Variants in RBFOX2 observed in about 807,000 individuals in gnomAD.
RBFOX2 encodes the protein RNA binding fox-1 homolog 2.
In RBFOX2, 10 loss-of-function variants were observed where a neutral mutation model predicts 49.1. The ratio of observed to expected loss-of-function variants is 0.20; its 90% confidence interval spans 0.13 to 0.35. The LOEUF is 0.35. Ranked by LOEUF, RBFOX2 falls within the 10% of genes least tolerant of loss-of-function variation. The pLI is 1.00. For synonymous variants in RBFOX2, 183 were observed against 187.4 expected (o/e 0.98, Z 0.19); for missense variants, 323 against 486.9 (o/e 0.66, Z 3.17).
At chr22:35,970,283 C>G (rs2056796902) in intron 1 of RBFOX2, among the ~76,000 whole-genome samples, 1 of 152,174 alleles carries the variant, frequency 6.6e-6, no homozygotes, top group Non-Finnish European at 1.5e-5. Context: ...CAAACTCTAT[C>G]TCCCAGACAT....
intron 1 of RBFOX2, among the ~76,000 whole-genome samples, chr22:35,900,357 T>C (rs769046929): frequency 1.3e-5 from 2 of 151,874 alleles, no homozygotes; most frequent in Admixed American, 6.6e-5. Context: ...CGAGTTTCTC[T>C]GTGGTTGTAA....
intron 1 of RBFOX2, among the ~76,000 whole-genome samples, chr22:35,820,093 G>A (rs542958030): frequency 4.6e-5 from 7 of 152,188 alleles, no homozygotes; most frequent in African/African-American, 7.2e-5. Context: ...GAGATGAAGC[G>A]AGAAAGGTAG....
chr22:36,019,469 A>G lies in RBFOX2; in HGVS notation c.186+8771T>C, dbSNP rs577274782. On this transcript the variant is annotated intron_variant, in intron 1 of 13. Transcript: ENST00000438146. Reference sequence around the variant, plus strand: ...GAGTGCTGTATAGCAGGATATAAGGAAAGCAAGAAATAAACATGTAGTGCT... The same window carrying G: ...GAGTGCTGTATAGCAGGATATAAGGGAAGCAAGAAATAAACATGTAGTGCT... Among the ~76,000 whole-genome samples, 14 of 152,372 alleles carry G rather than the reference A, an allele frequency of 9.2e-5. 1 individual carries two copies. In the South Asian group the frequency reaches 2.7e-3, roughly 29 times the overall value.
chr22:35,842,103 T>G (rs1212305442), upstream of RBFOX2, among the ~76,000 whole-genome samples: 2 of 152,170 alleles, frequency 1.3e-5, no homozygotes, highest in Non-Finnish European at 2.9e-5. Flanking sequence ...ACACTGCCAA[T>G]ACAACATCAT....
chr22:35,953,189 C>T (rs368278436), intron 1 of RBFOX2, among the ~76,000 whole-genome samples: 1 of 120,016 alleles, frequency 8.3e-6, no homozygotes, highest in Non-Finnish European at 1.6e-5. Flanking sequence ...CCAGCCTGGG[C>T]GACAGAGTGG....
intron 1 of RBFOX2, among the ~76,000 whole-genome samples, chr22:35,923,698 A>C (rs1162173345): frequency 6.6e-6 from 1 of 152,122 alleles, no homozygotes; most frequent in Non-Finnish European, 1.5e-5. Flanking sequence ...CTGCCAATGG[A>C]GATTAAAACC....
chr22:35,887,653 A>C (rs1383279256), intron 1 of RBFOX2, among the ~76,000 whole-genome samples: 1 of 152,062 alleles, frequency 6.6e-6, no homozygotes, highest in Non-Finnish European at 1.5e-5. Flanking sequence ...CCCTCCAGGC[A>C]AACTGCACCT....
At chr22:35,798,759 T>C (rs1398482131) in intron 2 of RBFOX2, among the ~76,000 whole-genome samples, 1 of 152,178 alleles carries the variant, frequency 6.6e-6, no homozygotes, top group Non-Finnish European at 1.5e-5. Flanking sequence ...TAAATTATGT[T>C]TGAAGAGTGT....
intron 1 of RBFOX2, among the ~76,000 whole-genome samples, chr22:35,883,232 C>A (rs1282511712): frequency 6.6e-6 from 1 of 152,210 alleles, no homozygotes; most frequent in Non-Finnish European, 1.5e-5. Flanking sequence ...CCGACAGCCT[C>A]TTTTCATTTT....
intron 1 of RBFOX2, among the ~76,000 whole-genome samples, chr22:35,860,875 ACTAT>A: frequency 6.6e-6 from 1 of 152,294 alleles, no homozygotes; most frequent in South Asian, 2.1e-4. Context: ...AAAGATTATG[ACTAT>A]CTTTTCTCTA....
At chr22:35,792,767 T>G (rs1948011491) in intron 2 of RBFOX2, among the ~76,000 whole-genome samples, 1 of 152,216 alleles carries the variant, frequency 6.6e-6, no homozygotes, top group Non-Finnish European at 1.5e-5. Flanking sequence ...CAATATAGCC[T>G]TTTTAAAAAA....
At chr22:35,795,595 G>C (rs1191961632) in intron 2 of RBFOX2, among the ~76,000 whole-genome samples, 1 of 132,430 alleles carries the variant, frequency 7.6e-6, no homozygotes, top group Non-Finnish European at 1.6e-5. Flanking sequence ...AGAAAAATTG[G>C]CTTAAACTCC....
chr22:36,028,104 C>T lies in RBFOX2; in HGVS notation c.186+136G>A, dbSNP rs561699510. The stretch of plus-strand genomic sequence containing the variant: ...GCCCGAGCTCGCCCCACCTTCCAAC[C>T]AGGCCCCGAATGGCCCCCCATCCCA... On this transcript the variant is annotated intron_variant, in intron 1 of 13. Transcript: ENST00000438146. The T allele has an allele frequency of 1.7e-5, 22 of 1,287,878 alleles. No individual in the cohort carries two copies. In the South Asian group the frequency reaches 4.0e-4, roughly 24 times the overall value. 79.8% of individuals were successfully genotyped at this position (1,287,878 alleles called of 1,614,324 possible).
At chr22:35,746,365 G>T in intron 10 of RBFOX2, 108 bp downstream of exon 12, 2 of 1,036,342 alleles carry the variant, frequency 1.9e-6, no homozygotes, top group Non-Finnish European at 1.4e-6. Flanking sequence ...CAAGATGCCC[G>T]ATGTGCTAAG....
intron 1 of RBFOX2, chr22:35,994,319 T>G (rs2058097478): frequency 6.6e-6 from 1 of 152,088 alleles, no homozygotes; most frequent in Non-Finnish European, 1.5e-5. Context: ...TACATTCTTT[T>G]TTGTACTAAT....
intron 1 of RBFOX2, among the ~76,000 whole-genome samples, chr22:36,018,813 C>A (rs1293400954): frequency 6.6e-6 from 1 of 152,100 alleles, no homozygotes; most frequent in Admixed American, 6.5e-5. Flanking sequence ...AGGGTTTCAT[C>A]ATGTTGGCCA....
At chr22:35,961,773 C>A, upstream of RBFOX2, 1 of 1,186,882 alleles carries the variant, frequency 8.4e-7, no homozygotes, top group Non-Finnish European at 1.1e-6. Flanking sequence ...AAAGACGATG[C>A]TTTCAACAGG....
At chr22:35,923,397 G>C (rs546274001) in intron 1 of RBFOX2, among the ~76,000 whole-genome samples, 24 of 151,746 alleles carry the variant, frequency 1.6e-4, no homozygotes, top group Non-Finnish European at 3.1e-4. Context: ...TTGTTTTAGA[G>C]ATAGGGTCTT....
At chr22:35,858,190 A>T (rs549130267) in intron 1 of RBFOX2, among the ~76,000 whole-genome samples, 1 of 152,318 alleles carries the variant, frequency 6.6e-6, no homozygotes, top group Admixed American at 6.5e-5. Context: ...GGGATACTTG[A>T]TTTCCAAGTG....
Sources: gnomAD v4.1 joint callset for allele counts (sites outside exome capture counted in the v4.1 genomes callset) on GRCh38, gnomAD v4.1.1 for gene constraint, MANE v1.5 for transcripts, NCBI Gene and HGNC (gene_info 2026-07-23, HGNC 2026-07-21) for gene names.